The following ATP2A1 variants were observed in gnomAD, a reference collection of about 807,000 sequenced individuals.
The protein encoded by ATP2A1 is ATPase sarcoplasmic/endoplasmic reticulum Ca2+ transporting 1.
In ATP2A1, 83 loss-of-function variants were observed where a neutral mutation model predicts 109.5. That is an observed-to-expected ratio of 0.76 (90% CI 0.63 to 0.91). ATP2A1 has a LOEUF of 0.91. ATP2A1 is among the 40% of genes least tolerant of loss of function. The pLI is 0.00. For synonymous variants in ATP2A1, 505 were observed against 537.6 expected, an observed-to-expected ratio of 0.94 and a Z score of 0.84; for missense variants, 1,101 against 1,341.0, an observed-to-expected ratio of 0.82 and a Z score of 2.80.
intron 9 of ATP2A1, among the ~76,000 whole-genome samples, chr16:28,891,197 G>A (rs1301873615): frequency 6.6e-6 from 1 of 152,088 alleles, no homozygotes; most frequent in Non-Finnish European, 1.5e-5. Flanking sequence ...TAAGGAGGCT[G>A]AGGCAGGAGA....
In ATP2A1 at chr16:28,904,314, A is replaced by T; in HGVS notation, c.*172A>T. On this transcript the variant is annotated 3_prime_UTR_variant, in exon 23 of 23. Transcript: ENST00000395503. ...ACACCCGTGTCATGTGTCTGTTTATAAACATGTCCCCTTCCCTTTCCTTCC... is the reference window on the plus strand; with the variant it reads ...ACACCCGTGTCATGTGTCTGTTTATTAACATGTCCCCTTCCCTTTCCTTCC... 6.2e-7 allele frequency: 1 copy of T among 1,601,322 alleles called. No homozygotes were observed. Among genetic ancestry groups the T allele is most frequent in the Non-Finnish European group, 8.5e-7 (1 of 1,175,886 alleles).
At chr16:28,879,836 T>C (rs1963403366) in intron 3 of ATP2A1, 1 of 631,332 alleles carries the variant, frequency 1.6e-6, no homozygotes, top group African/African-American at 1.9e-5. Flanking sequence ...CCCTCGCGGC[T>C]TCAAGAGCTT....
intron 12 of ATP2A1, among the ~76,000 whole-genome samples, chr16:28,897,021 T>C (rs1213378492): frequency 2.0e-5 from 3 of 151,152 alleles, no homozygotes; most frequent in South Asian, 2.1e-4. Flanking sequence ...GCAGAGGTGG[T>C]AGTGAGCCAA....
At chr16:28,901,255 ACAGTTTGAGGGTGCAGAAAGT>A (rs1485799251) in intron 15 of ATP2A1, among the ~76,000 whole-genome samples, 1 of 151,364 alleles carries the variant, frequency 6.6e-6, no homozygotes, top group Non-Finnish European at 1.5e-5. Flanking sequence ...TCACTTGAGC[ACAGTTTGAGGGTGCAGAAAGT>A]TATGACTGCA....
chr16:28,886,037 G>A (rs1212788357), intron 6 of ATP2A1, among the ~76,000 whole-genome samples: 1 of 152,080 alleles, frequency 6.6e-6, no homozygotes, highest in Non-Finnish European at 1.5e-5. Context: ...TGGGTGTGGT[G>A]GTGTGCACCT....
At position 28,903,237 on chromosome 16, in the gene ATP2A1, G is replaced by A. The variant is rs1964141639; in HGVS notation, c.2863-86G>A. On this transcript the variant is annotated intron_variant, in intron 20 of 22. Transcript: ENST00000395503. The surrounding 1 kb of genome is among the most constrained non-coding windows in gnomAD (Gnocchi z 5.6). ...CACTCCCACCAGGGGCGCCGATGTGGGAGGCTGGTGGGAGTGGGCTGGGCA... is the reference window on the plus strand; with the variant it reads ...CACTCCCACCAGGGGCGCCGATGTGAGAGGCTGGTGGGAGTGGGCTGGGCA... 6.4e-7 allele frequency: 1 copy of A among 1,574,420 alleles called. No individual in the cohort carries two copies.
chr16:28,898,999 A>AACAC lies in ATP2A1; in HGVS notation c.1764+564_1764+567dup, dbSNP rs142994822. Among the ~76,000 whole-genome samples, 43 of 150,624 alleles carry AACAC rather than the reference A, an allele frequency of 2.9e-4. No individual in the cohort carries two copies. The highest frequency in any genetic ancestry group is 9.3e-4 in the African/African-American group (38 of 41,080). On this transcript the variant is annotated intron_variant, in intron 14 of 22. Transcript: ENST00000395503. The surrounding 1 kb of genome is among the most constrained non-coding windows in gnomAD (Gnocchi z 4.0). Reference sequence around the variant, plus strand: ...CCTGTCTCTAAAAACAAAAAACAAAAACACACACACACACACACAAAAGAG... The same window carrying AACAC: ...CCTGTCTCTAAAAACAAAAAACAAAAACACACACACACACACACACACAAAAGAG...
At position 28,887,569 on chromosome 16, in the gene ATP2A1, C is replaced by T; in HGVS notation, c.775C>T (p.Gln259Ter). The change falls in exon 8 of 23, where the codon CAG becomes TAG. Residue 259 changes from glutamine to a stop codon, truncating the protein, a stop_gained. Transcript: ENST00000395503. LOFTEE classifies it high-confidence loss of function. The part of the protein sequence containing the change: ...LQQKLDEFGE[Q>*]LSKVISLICV... ...GCAGAAGCTGGATGAGTTTGGGGAGCAGCTCTCCAAGGTCATCTCCCTCAT... is the reference window on the plus strand; with the variant it reads ...GCAGAAGCTGGATGAGTTTGGGGAGTAGCTCTCCAAGGTCATCTCCCTCAT... 1 of 1,614,046 alleles carries T rather than the reference C, an allele frequency of 6.2e-7. No individual in the cohort carries two copies. Among genetic ancestry groups the T allele is most frequent in the Non-Finnish European group, 8.5e-7 (1 of 1,180,016 alleles).
At chr16:28,881,851 C>T (rs1032266396) in intron 4 of ATP2A1, among the ~76,000 whole-genome samples, 1 of 151,086 alleles carries the variant, frequency 6.6e-6, no homozygotes, top group Non-Finnish European at 1.5e-5. Context: ...CCCAGTGTTA[C>T]AGGCGCAGCA....
intron 5 of ATP2A1, 116 bp from the exon 6 acceptor site, chr16:28,884,459 T>C (rs1963565131): frequency 9.8e-7 from 1 of 1,018,628 alleles, no homozygotes; most frequent in East Asian, 2.5e-5. Context: ...CCTGGGAGCC[T>C]CCCTGAGACC....
Position 28,883,836 on chromosome 16 carries a change from A to C in ATP2A1, c.464-739A>C, listed in dbSNP as rs1056739278. Among the ~76,000 whole-genome samples the C allele has an allele frequency of 6.7e-6, 1 of 148,698 alleles. No individual in the cohort carries two copies. The highest frequency in any genetic ancestry group is 1.5e-5 in the Non-Finnish European group (1 of 67,128). ...CCTGTCTTGTCCATGTCCCCAGCTC[A>C]CTCTCCCTGGCTCCCCGCCTCCCTG... is the stretch of plus-strand genomic sequence containing the variant. On this transcript the variant is annotated intron_variant, in intron 5 of 22. Transcript: ENST00000395503. This position sits in a 1 kb window ranked among gnomAD's most constrained non-coding sequence, Gnocchi z 5.2.
At chr16:28,899,470 C>G (rs1219747493) in intron 14 of ATP2A1, among the ~76,000 whole-genome samples, 1 of 151,988 alleles carries the variant, frequency 6.6e-6, no homozygotes, top group Non-Finnish European at 1.5e-5. Context: ...GAAACTCCAT[C>G]TCTACTAAAA....
Position 28,903,557 on chromosome 16 carries a change from C to T in ATP2A1, c.2980+117C>T. On this transcript the variant is annotated intron_variant, in intron 21 of 22. Coordinates refer to ENST00000395503, the MANE Select transcript of ATP2A1 (RefSeq NM_004320.6). The surrounding 1 kb of genome is among the most constrained non-coding windows in gnomAD (Gnocchi z 5.6). ...GTAAGTTTCTCAGCCCTGGCAGGAC[C>T]TGTGTCCGCCCCGTTCCCCCTGCGC... 3 of 1,242,470 alleles carry T rather than the reference C, an allele frequency of 2.4e-6. No homozygotes were observed. The highest frequency in any genetic ancestry group is 3.6e-6 in the Non-Finnish European group (3 of 843,214). The allele number at this position is 1,242,470 out of a possible 1,614,324, so 77.0% of individuals were successfully genotyped here. A position where few individuals can be genotyped will look rare whatever the true frequency, so the allele number is the denominator to read the frequency against.
At chr16:28,887,802 T>C (rs964208852) in intron 8 of ATP2A1, 80 bp downstream of exon 8, 17 of 1,556,858 alleles carry the variant, frequency 1.1e-5, no homozygotes, top group East Asian at 2.2e-5. Flanking sequence ...CTTTTCTTTT[T>C]TTCTTTTTTG....
Position 28,894,721 on chromosome 16 carries a change from G to A in ATP2A1, c.1288-101G>A, listed in dbSNP as rs1249626403. ...CACCCAGCCCTCTGCCAGGGTGCAA[G>A]GGAGGCAGTGGTTTGCTTCCTTCTT... On this transcript the variant is annotated intron_variant, in intron 11 of 22. Transcript: ENST00000395503. The A allele has an allele frequency of 3.8e-6, 6 of 1,597,016 alleles. No individual in the cohort carries two copies. In the South Asian group the frequency reaches 5.5e-5, roughly 15 times the overall value.
At chr16:28,879,786 CT>C in intron 3 of ATP2A1, 1 of 712,388 alleles carries the variant, frequency 1.4e-6, no homozygotes. Flanking sequence ...TTATTTTAAG[CT>C]TTAAGGGTGT....
rs1439820102 is a variant in ATP2A1 at position 28,902,522 on chromosome 16, C to A, written c.2525-58C>A. ...GTCCATGGCCACATGAGGCCCTCAA[C>A]CCTCGATGCCCCCTATCTCCCCAGC... On this transcript the variant is annotated intron_variant, in intron 17 of 22. Coordinates refer to ENST00000395503, the MANE Select transcript of ATP2A1 (RefSeq NM_004320.6). The surrounding 1 kb of genome is among the most constrained non-coding windows in gnomAD (Gnocchi z 4.8). 6 of 1,584,766 alleles carry A rather than the reference C, an allele frequency of 3.8e-6. No individual in the cohort carries two copies. The African/African-American group carries it at 8.1e-5, about 21-fold the overall frequency.
At chr16:28,886,880 C>A (rs1039252311) in intron 6 of ATP2A1, among the ~76,000 whole-genome samples, 2 of 151,624 alleles carry the variant, frequency 1.3e-5, no homozygotes, top group Non-Finnish European at 2.9e-5. Context: ...TGCCTGTAAT[C>A]CCAGCTACTT....
rs1461539071 is a variant in ATP2A1 at position 28,880,680 on chromosome 16, C to T, written c.220-235C>T. 6.6e-6 allele frequency among the ~76,000 whole-genome samples: 1 copy of T among 152,216 alleles called. No individual in the cohort carries two copies. Among genetic ancestry groups the T allele is most frequent in the East Asian group, 1.9e-4 (1 of 5,190 alleles). ...ACCTGAAAGCATTCCCAGCTAATCC[C>T]CCAAGTGGTGCAAGTCTGTGCGCGC... On this transcript the variant is annotated intron_variant, in intron 3 of 22. Coordinates refer to ENST00000395503, the MANE Select transcript of ATP2A1 (RefSeq NM_004320.6). The surrounding 1 kb of genome is among the most constrained non-coding windows in gnomAD (Gnocchi z 4.2).
Sources: gnomAD v4.1 joint callset for allele counts (sites outside exome capture counted in the v4.1 genomes callset) on GRCh38, gnomAD v4.1.1 for gene constraint, Gnocchi (gnomAD v3.1) non-coding constraint, MANE v1.5 for transcripts, NCBI Gene and HGNC (gene_info 2026-07-23, HGNC 2026-07-21) for gene names.